ABCA1: variants seen among roughly 807,000 people sequenced by gnomAD.
The protein encoded by ABCA1 is phospholipid-transporting ATPase ABCA1.
A neutral mutation model predicts 262.5 loss-of-function variants in ABCA1; 133 were observed. That is an observed-to-expected ratio of 0.51 (90% CI 0.44 to 0.59). The LOEUF (loss-of-function observed/expected upper bound fraction) is 0.59, where lower values mean the gene tolerates loss of function less well. Ranked by LOEUF, ABCA1 falls within the 20% of genes least tolerant of loss-of-function variation. The pLI, the probability that ABCA1 is intolerant of heterozygous loss-of-function variation, is 0.00. For missense variants in ABCA1, 2,452 were observed against 2,777.5 expected (o/e 0.88, Z 2.63); for synonymous variants, 1,022 against 1,043.5 (o/e 0.98, Z 0.40).
intron 20 of ABCA1, among the ~76,000 whole-genome samples, chr9:104,821,164 A>C (rs1588299695): frequency 6.6e-6 from 1 of 152,016 alleles, no homozygotes; most frequent in Admixed American, 6.6e-5. Flanking sequence ...AATCGCTTGA[A>C]CCTGGGAGGC....
rs1836603364 is a variant in ABCA1, at chr9:104,862,654, C to CAGGGCA, written c.422-855_422-854insTGCCCT. ...ACTGCCGGGCCGGGCCGGGCCGGGC[C>CAGGGCA]GGGCCGGGCCGGGCCGGGCCGGGCC... On this transcript the variant is annotated intron_variant, in intron 5 of 49. Coordinates refer to ENST00000374736, the MANE Select transcript of ABCA1 (RefSeq NM_005502.4). Among the ~76,000 whole-genome samples, 5 of 7,524 alleles carry CAGGGCA rather than the reference C, an allele frequency of 6.6e-4. 2 individuals carry two copies. The highest frequency in any genetic ancestry group is 6.6e-4 in the African/African-American group (1 of 1,518). The allele number at this position is 7,524 out of a possible 152,430, so 4.9% of individuals were successfully genotyped here. A position where few individuals can be genotyped will look rare whatever the true frequency, so the allele number is the denominator to read the frequency against.
At position 104,784,245 on chromosome 9, in the gene ABCA1, A is replaced by G. The variant is rs878937680; in HGVS notation, c.*70T>C. 2 of 1,599,996 alleles carry G rather than the reference A, an allele frequency of 1.3e-6. No homozygotes were observed. Among genetic ancestry groups the G allele is most frequent in the Non-Finnish European group, 1.7e-6 (2 of 1,168,744 alleles). The stretch of plus-strand genomic sequence containing the variant: ...TCAACTTCTGGCTCTTTTCTCCACA[A>G]CACTTCACATGGTGCAAAGGAAAGT... On this transcript the variant is annotated 3_prime_UTR_variant, in exon 50 of 50. Coordinates refer to ENST00000374736, the MANE Select transcript of ABCA1 (RefSeq NM_005502.4).
chr9:104,804,065 T>G (rs150290015), intron 32 of ABCA1, among the ~76,000 whole-genome samples: 167 of 152,246 alleles, frequency 1.1e-3, no homozygotes, highest in Non-Finnish European at 1.8e-3. Context: ...ACTGACCAAG[T>G]TGATGGGAAG....
rs1025338640 is a variant in ABCA1, at chr9:104,925,331, G to A, written c.-93+2604C>T. Among the ~76,000 whole-genome samples the A allele has an allele frequency of 1.8e-4, 27 of 147,044 alleles. 1 individual carries two copies. The highest frequency in any genetic ancestry group is 1.2e-4 in the Non-Finnish European group (8 of 67,284). On this transcript the variant is annotated intron_variant, in intron 1 of 49. Coordinates refer to ENST00000374736, the MANE Select transcript of ABCA1 (RefSeq NM_005502.4). ...GGTGGAGGTTGCAGTGAGCCATATC[G>A]TGCCACTGCACTCCAGCCTGGGAAA...
intron 1 of ABCA1, among the ~76,000 whole-genome samples, chr9:104,925,600 G>T (rs1376923967): frequency 6.6e-6 from 1 of 152,096 alleles, no homozygotes; most frequent in African/African-American, 2.4e-5. Flanking sequence ...TGTAGTCATC[G>T]TGAAGGCTGA....
At chr9:104,801,347 G>A (rs1223971481) in intron 34 of ABCA1, among the ~76,000 whole-genome samples, 1 of 151,874 alleles carries the variant, frequency 6.6e-6, no homozygotes, top group Non-Finnish European at 1.5e-5. Context: ...AGCCTCCCGA[G>A]TAGCTGGGAT....
At chr9:104,801,392 CTA>C (rs141925740) in intron 34 of ABCA1, among the ~76,000 whole-genome samples, 11,220 of 150,598 alleles carry the variant, frequency 0.075, 661 homozygotes, top group East Asian at 0.17. Context: ...GCTAATTTTT[CTA>C]TGTTTTTAGC....
chr9:104,860,433 A>C (rs141574863), intron 6 of ABCA1, among the ~76,000 whole-genome samples: 2,901 of 152,326 alleles, frequency 0.019, 92 homozygotes, highest in African/African-American at 0.066. Flanking sequence ...AAGGGCACGC[A>C]GTAAGCACAT....
At chr9:104,802,621 G>A (rs1830436056) in intron 33 of ABCA1, among the ~76,000 whole-genome samples, 1 of 152,184 alleles carries the variant, frequency 6.6e-6, no homozygotes, top group South Asian at 2.1e-4. Context: ...GAGATCCAGG[G>A]GTCCTGGCCC....
In ABCA1 at chr9:104,810,141, C is replaced by T. The variant is rs1564110403; in HGVS notation, c.4176-577G>A. On this transcript the variant is annotated intron_variant, in intron 29 of 49. Transcript: ENST00000374736. ...GAGAAAAAGAGGCCAATTCACATTA[C>T]ATATATATATATATATATATATATA... Among the ~76,000 whole-genome samples the T allele has an allele frequency of 7.1e-5, 9 of 126,854 alleles. No individual in the cohort carries two copies. In the South Asian group the frequency reaches 7.9e-4, roughly 11 times the overall value. 83.2% of individuals were successfully genotyped at this position (126,854 alleles called of 152,430 possible). A position where few individuals can be genotyped will look rare whatever the true frequency, so the allele number is the denominator to read the frequency against.
intron 8 of ABCA1, among the ~76,000 whole-genome samples, chr9:104,843,554 T>C (rs975069829): frequency 2.6e-5 from 4 of 152,208 alleles, no homozygotes; most frequent in Non-Finnish European, 2.9e-5. Context: ...AATTAACTCA[T>C]TGGGTGACTG....
At chr9:104,802,190 A>C in intron 33 of ABCA1, 31 bp from the exon 34 acceptor site, 1 of 1,578,846 alleles carries the variant, frequency 6.3e-7, no homozygotes, top group Non-Finnish European at 8.7e-7. Context: ...TAAAACCCAG[A>C]CAGTGGGGTG....
At chr9:104,785,249 G>T in intron 49 of ABCA1, 147 bp downstream of exon 49, 3 of 1,058,702 alleles carry the variant, frequency 2.8e-6, no homozygotes, top group Non-Finnish European at 2.8e-6. Context: ...GTTCAGAGAG[G>T]TTTAGTAAAA....
At chr9:104,885,126 C>T (rs1405982587) in intron 3 of ABCA1, among the ~76,000 whole-genome samples, 2 of 152,170 alleles carry the variant, frequency 1.3e-5, no homozygotes, top group African/African-American at 4.8e-5. Context: ...ATCCCAGGTA[C>T]TCTGGAGGCT....
chr9:104,833,081 A>G (rs1054744918), intron 11 of ABCA1, among the ~76,000 whole-genome samples: 3 of 152,240 alleles, frequency 2.0e-5, no homozygotes, highest in Admixed American at 2.0e-4. Context: ...TAACTACAGT[A>G]ACAACAACAA....
At chr9:104,837,327 CG>C (rs773510688) in intron 10 of ABCA1, 100 bp downstream of exon 10, 13 of 1,493,340 alleles carry the variant, frequency 8.7e-6, no homozygotes, top group Non-Finnish European at 1.2e-5. Flanking sequence ...CCAGAAGAGC[CG>C]TGAGTATACT....
intron 1 of ABCA1, among the ~76,000 whole-genome samples, chr9:104,909,780 G>A (rs1228544327): frequency 6.6e-6 from 1 of 152,112 alleles, no homozygotes; most frequent in Non-Finnish European, 1.5e-5. Context: ...TTCCAGGAGA[G>A]ATGAGAGATG....
chr9:104,782,612 AG>A lies in ABCA1; in HGVS notation c.*1702del, dbSNP rs934704108. ...AACTCTGAAAAATGCTCCATATGGA[AG>A]TATTTGTTGTTTTTATATTTTTCTT... On this transcript the variant is annotated 3_prime_UTR_variant, in exon 50 of 50. Transcript: ENST00000374736. The A allele has an allele frequency of 1.3e-5, 2 of 152,184 alleles. No homozygotes were observed. The highest frequency in any genetic ancestry group is 4.8e-5 in the African/African-American group (2 of 41,466). The allele number at this position is 152,184 out of a possible 1,614,324, so 9.4% of individuals were successfully genotyped here.
chr9:104,825,628 G>T, intron 17 of ABCA1, 55 bp downstream of exon 17: 3 of 1,565,048 alleles, frequency 1.9e-6, no homozygotes, highest in Non-Finnish European at 2.6e-6. Context: ...CTAGCACAAA[G>T]AAAGGACATC....
Sources: allele counts gnomAD v4.1 joint callset (sites outside exome capture counted in the v4.1 genomes callset), GRCh38; gene constraint gnomAD v4.1.1; transcripts MANE v1.5; gene names NCBI Gene and HGNC (gene_info 2026-07-23, HGNC 2026-07-21).